The following SF3B1 variants were observed in gnomAD, a reference collection of about 807,000 sequenced individuals.
The protein encoded by SF3B1 is pre-mRNA processing 10.
Under a neutral mutation model 153.8 loss-of-function variants are expected in SF3B1, and 12 were observed. The observed-to-expected ratio is 0.08, with a 90% confidence interval of 0.05 to 0.13. The LOEUF is 0.13. SF3B1 is among the 10% of genes least tolerant of loss of function. The pLI is 1.00. For missense variants in SF3B1, 513 were observed against 1,606.1 expected, an observed-to-expected ratio of 0.32 and a Z score of 11.63; for synonymous variants, 498 against 525.2, an observed-to-expected ratio of 0.95 and a Z score of 0.71.
At chr2:197,433,002 A>G (rs749021953) in intron 1 of SF3B1, among the ~76,000 whole-genome samples, 3 of 152,256 alleles carry the variant, frequency 2.0e-5, no homozygotes, top group South Asian at 2.1e-4. Flanking sequence ...TCTAAGCAAT[A>G]TAACATTTAT....
At chr2:197,424,482 ACT>A (rs2085299750) in intron 1 of SF3B1, among the ~76,000 whole-genome samples, 1 of 143,158 alleles carries the variant, frequency 7.0e-6, no homozygotes, top group Non-Finnish European at 1.5e-5. Flanking sequence ...ACAGAGCAAG[ACT>A]CTATCTCTCA....
intron 5 of SF3B1, among the ~76,000 whole-genome samples, chr2:197,417,508 C>G (rs911765244): frequency 1.4e-5 from 2 of 145,016 alleles, no homozygotes; most frequent in Non-Finnish European, 3.0e-5. Context: ...GAGGTTAAGG[C>G]GGGCAGATCA....
At chr2:197,418,162 G>A (rs1190509936) in intron 5 of SF3B1, among the ~76,000 whole-genome samples, 3 of 142,076 alleles carry the variant, frequency 2.1e-5, no homozygotes, top group African/African-American at 7.8e-5. Flanking sequence ...CTTGAACCTG[G>A]GAAGCAGAGA....
At chr2:197,422,916 TA>T (rs1284922266) in intron 2 of SF3B1, among the ~76,000 whole-genome samples, 1 of 151,796 alleles carries the variant, frequency 6.6e-6, no homozygotes, top group Non-Finnish European at 1.5e-5. Context: ...TCTATATACA[TA>T]AAATAAAATT....
chr2:197,434,987 C>G lies in SF3B1; in HGVS notation c.13G>C (p.Ala5Pro). ...GACCGCTTACCTTCGTGAGTCTTGG[C>G]GATCTTCGCCATTTTGTCCACTCGA... MAKI[A>P]KTHEDIEAQI... is the part of the protein sequence containing the mutation. Residue 5 changes from alanine (A) to proline (P), a missense_variant, in exon 1 of 25, where the codon GCC becomes CCC. Ala to Pro is a conservative substitution (Grantham distance 27, BLOSUM62 -1). This residue lies in a region of SF3B1 where 27 missense variants were observed against 26.7 expected (regional missense o/e 1.01). Transcript: ENST00000335508. The G allele has an allele frequency of 1.2e-6, 2 of 1,614,248 alleles. No individual in the cohort carries two copies. Among genetic ancestry groups the G allele is most frequent in the African/African-American group, 1.3e-5 (1 of 75,082 alleles).
intron 1 of SF3B1, among the ~76,000 whole-genome samples, chr2:197,429,054 T>A (rs1479504753): frequency 6.6e-6 from 1 of 151,870 alleles, no homozygotes; most frequent in Non-Finnish European, 1.5e-5. Flanking sequence ...TCAAAAACAA[T>A]GAAGACTTGA....
intron 20 of SF3B1, chr2:197,399,131 C>G: frequency 8.1e-7 from 1 of 1,239,312 alleles, no homozygotes; most frequent in Non-Finnish European, 1.0e-6. Flanking sequence ...TCTTCCCATG[C>G]CTCTCTGACA....
Position 197,400,512 on chromosome 2 carries a change from T to C in SF3B1, c.2719-78A>G, listed in dbSNP as rs2084927212. 2 of 1,277,354 alleles carry C rather than the reference T, an allele frequency of 1.6e-6. No homozygotes were observed. The highest frequency in any genetic ancestry group is 2.4e-5 in the Admixed American group (1 of 42,218). 79.1% of individuals were successfully genotyped at this position (1,277,354 alleles called of 1,614,324 possible). On this transcript the variant is annotated intron_variant, in intron 18 of 24. Coordinates refer to ENST00000335508, the MANE Select transcript of SF3B1 (RefSeq NM_012433.4). This position sits in a 1 kb window ranked among gnomAD's most constrained non-coding sequence, Gnocchi z 5.0. The stretch of plus-strand genomic sequence containing the variant: ...GTTGAAATACACTAAGAGTCAACCT[T>C]TTCTAACCACCCAAACATCTGTTGC...
chr2:197,405,512 T>TA, intron 9 of SF3B1, 40 bp from the exon 10 acceptor site: 1 of 1,366,378 alleles, frequency 7.3e-7, no homozygotes, highest in African/African-American at 1.4e-5. Flanking sequence ...TTTCTTAACT[T>TA]AAAAAACAGC....
chr2:197,415,130 A>G (rs904845554), intron 6 of SF3B1, among the ~76,000 whole-genome samples: 1 of 150,738 alleles, frequency 6.6e-6, no homozygotes, highest in Non-Finnish European at 1.5e-5. Flanking sequence ...TATTAAGACA[A>G]AGCACGATAA....
intron 1 of SF3B1, among the ~76,000 whole-genome samples, chr2:197,429,445 C>A (rs2085391006): frequency 6.6e-6 from 1 of 152,152 alleles, no homozygotes. Context: ...AGTAAGGCTA[C>A]TGTAAACATT....
chr2:197,421,170 T>C (rs1451784828), intron 2 of SF3B1, 37 bp from the exon 3 acceptor site: 1 of 1,314,272 alleles, frequency 7.6e-7, no homozygotes, highest in African/African-American at 1.5e-5. Context: ...ATAAACAAAA[T>C]GTTAGAACTT....
At chr2:197,414,247 G>A (rs570995351) in intron 6 of SF3B1, among the ~76,000 whole-genome samples, 3 of 152,168 alleles carry the variant, frequency 2.0e-5, no homozygotes, top group East Asian at 1.9e-4. Context: ...AAATAAATAC[G>A]TCAAGCTGAA....
rs564043901 is a variant in SF3B1, at chr2:197,435,014, C to G, written c.-15G>C. The G allele has an allele frequency of 5.6e-6, 9 of 1,614,280 alleles. No individual in the cohort carries two copies. The highest frequency in any genetic ancestry group is 2.2e-5 in the East Asian group (1 of 44,894). ...ATCTTCGCCATTTTGTCCACTCGAA[C>G]ACACAGACGGAACTGGCGCTCCCAA... On this transcript the variant is annotated 5_prime_UTR_variant, in exon 1 of 25. Coordinates refer to ENST00000335508, the MANE Select transcript of SF3B1 (RefSeq NM_012433.4).
chr2:197,424,390 A>T (rs1366206087), intron 1 of SF3B1, among the ~76,000 whole-genome samples: 1 of 151,100 alleles, frequency 6.6e-6, no homozygotes, highest in Non-Finnish European at 1.5e-5. Context: ...AGTCCCAGGT[A>T]TTTGGGAAGT....
At chr2:197,405,583 G>T in intron 9 of SF3B1, 111 bp from the exon 10 acceptor site, 1 of 719,104 alleles carries the variant, frequency 1.4e-6, no homozygotes, top group Non-Finnish European at 2.3e-6. Flanking sequence ...GTTTTTATTT[G>T]CTTGGAGACA....
intron 1 of SF3B1, among the ~76,000 whole-genome samples, chr2:197,425,775 G>A (rs374100806): frequency 6.6e-6 from 1 of 150,908 alleles, no homozygotes; most frequent in Non-Finnish European, 1.5e-5. Flanking sequence ...TGAGGTGGGC[G>A]GATCACTTGA....
Position 197,422,882 on chromosome 2 carries a change from GA to G in SF3B1, c.195+925del, listed in dbSNP as rs1328171261. Among the ~76,000 whole-genome samples, 714 of 139,678 alleles carry G rather than the reference GA, an allele frequency of 5.1e-3. 3 individuals are homozygous for G. The highest frequency in any genetic ancestry group is 8.5e-3 in the Non-Finnish European group (542 of 63,894). 91.6% of individuals were successfully genotyped at this position (139,678 alleles called of 152,430 possible). A position where few individuals can be genotyped will look rare whatever the true frequency, so the allele number is the denominator to read the frequency against. ...TCCAGCCTGGGCAACAGAGTGAGAC[GA>G]AAAAAAAAAACCAGTTTGATAATCT... On this transcript the variant is annotated intron_variant, in intron 2 of 24. Transcript: ENST00000335508.
chr2:197,405,222 G>C (rs761424811), intron 10 of SF3B1, 45 bp from the exon 11 acceptor site: 2 of 1,594,148 alleles, frequency 1.3e-6, no homozygotes, highest in South Asian at 1.1e-5. Flanking sequence ...GAAATGTTAT[G>C]ATTTATAATT....
Sources: allele counts gnomAD v4.1 joint callset (sites outside exome capture counted in the v4.1 genomes callset), GRCh38; gene constraint gnomAD v4.1.1; regional missense constraint gnomAD v4.1.1; non-coding constraint Gnocchi (gnomAD v3.1); transcripts MANE v1.5; gene names NCBI Gene and HGNC (gene_info 2026-07-23, HGNC 2026-07-21).